The following SEC63 variants were observed in gnomAD, a reference collection of about 807,000 sequenced individuals.
The protein encoded by SEC63 is SEC63 protein translocation regulator.
Under a neutral mutation model 116.2 loss-of-function variants are expected in SEC63, and 56 were observed. The ratio of observed to expected loss-of-function variants is 0.48; its 90% CI spans 0.39 to 0.60. The LOEUF (loss-of-function observed/expected upper bound fraction) is 0.60, where lower values mean the gene tolerates loss of function less well. Ranked by LOEUF, SEC63 falls within the 20% of genes least tolerant of loss-of-function variation. The pLI is 0.00. For missense variants in SEC63, 668 were observed against 900.0 expected (o/e 0.74, Z 3.30); for synonymous variants, 273 against 294.6 (o/e 0.93, Z 0.75).
At position 107,870,054 on chromosome 6, in the gene SEC63, C is replaced by G. The variant is rs1048774131; in HGVS notation, c.*1650G>C. The G allele has an allele frequency of 6.6e-6, 1 of 152,324 alleles. No homozygotes were observed. The highest frequency in any genetic ancestry group is 2.4e-5 in the African/African-American group (1 of 41,422). The allele number at this position is 152,324 out of a possible 1,614,324, so 9.4% of individuals were successfully genotyped here. A position where few individuals can be genotyped will look rare whatever the true frequency, so the allele number is the denominator to read the frequency against. On this transcript the variant is annotated 3_prime_UTR_variant, in exon 21 of 21. Coordinates refer to ENST00000369002, the MANE Select transcript of SEC63 (RefSeq NM_007214.5). ...TTTCACTTGACACCAGCTGGCTTAC[C>G]CCCTGCCACCACACTTAGGTAATCA...
chr6:107,876,532 T>TA (rs748718457), intron 19 of SEC63, 32 bp downstream of exon 19: 2 of 1,305,246 alleles, frequency 1.5e-6, no homozygotes, highest in African/African-American at 2.9e-5. Context: ...TGTGCCTTGT[T>TA]AAACACTGAA....
chr6:107,907,105 A>T (rs1289005151), intron 8 of SEC63, among the ~76,000 whole-genome samples: 1 of 152,214 alleles, frequency 6.6e-6, no homozygotes, highest in Non-Finnish European at 1.5e-5. Flanking sequence ...TTAATAATTC[A>T]CGTGAAAAAA....
chr6:107,938,482 C>A (rs918073319), intron 1 of SEC63, among the ~76,000 whole-genome samples: 1 of 151,844 alleles, frequency 6.6e-6, no homozygotes, highest in African/African-American at 2.4e-5. Context: ...TGGGCTCAAG[C>A]AATCCTCCCT....
intron 2 of SEC63, among the ~76,000 whole-genome samples, chr6:107,926,231 T>C (rs1787671005): frequency 6.6e-6 from 1 of 152,232 alleles, no homozygotes; most frequent in Admixed American, 6.5e-5. Flanking sequence ...AAAAGTTTTA[T>C]TATAAATAAG....
intron 16 of SEC63, among the ~76,000 whole-genome samples, chr6:107,884,642 C>T (rs1383759750): frequency 1.3e-5 from 2 of 152,102 alleles, no homozygotes; most frequent in Admixed American, 6.5e-5. Context: ...CAAATCAAAG[C>T]TTACACAAAC....
intron 1 of SEC63, among the ~76,000 whole-genome samples, chr6:107,947,226 G>A (rs1273966931): frequency 6.6e-6 from 1 of 152,088 alleles, no homozygotes; most frequent in African/African-American, 2.4e-5. Context: ...GAGCCTGGGA[G>A]GCAGAGGTTG....
In SEC63 at chr6:107,868,852, GACA is replaced by G. The variant is rs1372457015; in HGVS notation, c.*2849_*2851del. On this transcript the variant is annotated 3_prime_UTR_variant, in exon 21 of 21. Coordinates refer to ENST00000369002, the MANE Select transcript of SEC63 (RefSeq NM_007214.5). ...GAAACTCAGTAAATATGTGATGAAT[GACA>G]ACCTCTCAAAAATTATGTAAGGTGC... The G allele has an allele frequency of 2.0e-5, 3 of 152,136 alleles. No homozygotes were observed. Among genetic ancestry groups the G allele is most frequent in the Non-Finnish European group, 4.4e-5 (3 of 68,034 alleles). 9.4% of individuals were successfully genotyped at this position (152,136 alleles called of 1,614,324 possible).
At chr6:107,911,587 C>G (rs2114459002) in intron 6 of SEC63, among the ~76,000 whole-genome samples, 191 bp from the exon 7 acceptor site, 1 of 152,266 alleles carries the variant, frequency 6.6e-6, no homozygotes, top group South Asian at 2.1e-4. Context: ...GGTAGAAAAC[C>G]TGCAGTACAC....
chr6:107,904,146 C>A (rs1367574690), intron 11 of SEC63, among the ~76,000 whole-genome samples: 10 of 135,868 alleles, frequency 7.4e-5, no homozygotes, highest in South Asian at 4.7e-4. Flanking sequence ...GAATTAAAAT[C>A]AAAAACACAG....
At chr6:107,909,456 A>C (rs1290748885) in intron 7 of SEC63, among the ~76,000 whole-genome samples, 1 of 152,124 alleles carries the variant, frequency 6.6e-6, no homozygotes, top group Non-Finnish European at 1.5e-5. Context: ...AATCTTCTAA[A>C]TATTCATAAA....
chr6:107,905,110 G>A (rs1787117720), intron 10 of SEC63, among the ~76,000 whole-genome samples: 1 of 152,102 alleles, frequency 6.6e-6, no homozygotes, highest in African/African-American at 2.4e-5. Flanking sequence ...GAGAAGAAGA[G>A]GGCAACTTAC....
Position 107,957,986 on chromosome 6 carries a change from G to C in SEC63, c.24C>G (p.Tyr8Ter). 1 of 1,613,432 alleles carries C rather than the reference G, an allele frequency of 6.2e-7. No individual in the cohort carries two copies. Among genetic ancestry groups the C allele is most frequent in the Non-Finnish European group, 8.5e-7 (1 of 1,179,568 alleles). MAGQQFQ[Y>*]DDSGNTFFYF... Reference sequence around the variant, plus strand: ...AGAAGAAGGTGTTCCCACTGTCATCGTACTGGAACTGCTGCCCGGCCATGG... The same window carrying C: ...AGAAGAAGGTGTTCCCACTGTCATCCTACTGGAACTGCTGCCCGGCCATGG... The change falls in exon 1 of 21, where the codon TAC (tyrosine) becomes TAG (stop). Residue 8 changes from tyrosine to a stop codon, truncating the protein, a stop_gained. Coordinates refer to ENST00000369002, the MANE Select transcript of SEC63 (RefSeq NM_007214.5). LOFTEE classifies it high-confidence loss of function.
intron 13 of SEC63, 22 bp from the exon 14 acceptor site, chr6:107,897,753 A>G (rs1583738125): frequency 6.6e-7 from 1 of 1,510,262 alleles, no homozygotes; most frequent in Middle Eastern, 1.7e-4. Flanking sequence ...GAAGAAAAAA[A>G]ACAGCAAAAA....
chr6:107,928,986 A>G (rs1272884317), intron 2 of SEC63, among the ~76,000 whole-genome samples: 1 of 152,250 alleles, frequency 6.6e-6, no homozygotes, highest in African/African-American at 2.4e-5. Flanking sequence ...TGAAGTTAAT[A>G]CAGAATTAAA....
chr6:107,886,321 C>T (rs1583728190), intron 16 of SEC63, among the ~76,000 whole-genome samples: 3 of 152,158 alleles, frequency 2.0e-5, no homozygotes, highest in Admixed American at 2.0e-4. Flanking sequence ...AATAAACATA[C>T]ATCTGTATGT....
intron 1 of SEC63, among the ~76,000 whole-genome samples, chr6:107,951,276 T>C (rs902024014): frequency 3.9e-5 from 6 of 152,308 alleles, no homozygotes; most frequent in South Asian, 2.1e-4. Context: ...GCTCCAATCA[T>C]AGCACAATGG....
chr6:107,876,665 G>GTAAA lies in SEC63; in HGVS notation c.1936-4_1936-3insTTTA. ...AGCCACCACCATTCTTGTTTTTCCT[G>GTAAA]GAAACAAAAAAAAAAAAAAAAAAAG... is the stretch of plus-strand genomic sequence containing the variant. On this transcript the variant is annotated splice_region_variant and splice_polypyrimidine_tract_variant and intron_variant, in intron 18 of 20. Transcript: ENST00000369002. 6.3e-5 allele frequency: 41 copies of GTAAA among 655,528 alleles called. No homozygotes were observed. Among genetic ancestry groups the GTAAA allele is most frequent in the Non-Finnish European group, 8.0e-5 (40 of 497,300 alleles). The allele number at this position is 655,528 out of a possible 1,614,324, so 40.6% of individuals were successfully genotyped here.
chr6:107,937,157 T>C (rs1468919785), intron 1 of SEC63, among the ~76,000 whole-genome samples: 1 of 146,364 alleles, frequency 6.8e-6, no homozygotes, highest in Non-Finnish European at 1.5e-5. Flanking sequence ...AGTTTTGCTC[T>C]TGTTGCCCAG....
chr6:107,899,550 T>C lies in SEC63; in HGVS notation c.1358-1819A>G, dbSNP rs569608720. Among the ~76,000 whole-genome samples the C allele has an allele frequency of 2.0e-5, 3 of 152,152 alleles. No homozygotes were observed. In the South Asian group the frequency reaches 6.2e-4, roughly 32 times the overall value. The stretch of plus-strand genomic sequence containing the variant: ...GGCCAACATGGTGAAACTCCGTCTC[T>C]ACTAAAAATACAAAAATTAGCTGGG... On this transcript the variant is annotated intron_variant, in intron 13 of 20. Coordinates refer to ENST00000369002, the MANE Select transcript of SEC63 (RefSeq NM_007214.5).
Sources: allele counts gnomAD v4.1 joint callset (sites outside exome capture counted in the v4.1 genomes callset), GRCh38; gene constraint gnomAD v4.1.1; transcripts MANE v1.5; gene names NCBI Gene and HGNC (gene_info 2026-07-23, HGNC 2026-07-21).